KIDINS220: variants seen among roughly 807,000 people sequenced by gnomAD.
The protein encoded by KIDINS220 is kinase D interacting substrate 220.
Under a neutral mutation model 157.6 loss-of-function variants are expected in KIDINS220, and 63 were observed. That is an observed-to-expected ratio of 0.40 (90% confidence interval 0.33 to 0.49). The LOEUF is 0.49. Among genes scored for constraint, KIDINS220 ranks in the 20% least tolerant of loss-of-function variants. The probability of loss-of-function intolerance (pLI) is 0.66; values close to 1 mark genes in which losing one functional copy is unlikely to be tolerated. For missense variants in KIDINS220, 1,772 were observed against 2,171.2 expected (o/e 0.82, Z 3.65); for synonymous variants, 732 against 783.6 (o/e 0.93, Z 1.10).
At chr2:8,810,897 T>C (rs986541853) in intron 6 of KIDINS220, among the ~76,000 whole-genome samples, 2 of 152,210 alleles carry the variant, frequency 1.3e-5, no homozygotes, top group Non-Finnish European at 2.9e-5. Flanking sequence ...TTAAATGCCA[T>C]ATCATAATAT....
chr2:8,730,968 C>G lies in KIDINS220; in HGVS notation c.5068G>C (p.Ala1690Pro), dbSNP rs78365141. ...TTTTGATTGGCTCTGTTGGCTGGAG[C>G]ACTATTGTTGTTCAGAGTCACGGTG... ...PSTVTLNNNSAPANRANQNFD... is the reference protein window; with the variant it reads ...PSTVTLNNNSPPANRANQNFD... Residue 1690 changes from alanine to proline, a missense_variant, in exon 30 of 30, where the codon GCT becomes CCT. By Grantham distance (27) the Ala-to-Pro change is conservative. Coordinates refer to ENST00000256707, the MANE Select transcript of KIDINS220 (RefSeq NM_020738.4). 3 of 1,614,188 alleles carry G rather than the reference C, an allele frequency of 1.9e-6. No homozygotes were observed. Among genetic ancestry groups the G allele is most frequent in the Non-Finnish European group, 2.5e-6 (3 of 1,180,046 alleles).
intron 1 of KIDINS220, among the ~76,000 whole-genome samples, chr2:8,834,287 G>A (rs1275988452): frequency 2.0e-5 from 3 of 151,830 alleles, no homozygotes; most frequent in Non-Finnish European, 4.4e-5. Context: ...CCCTACCAGG[G>A]CCAAGGCCTT....
rs1193082140 is a variant in KIDINS220, at chr2:8,730,519, A to C, written c.*201T>G. On this transcript the variant is annotated 3_prime_UTR_variant, in exon 30 of 30. Coordinates refer to ENST00000256707, the MANE Select transcript of KIDINS220 (RefSeq NM_020738.4). ...GTGAGTTCTGAAGCTTCTAATTACA[A>C]AGACCACAGAGGCTGGCTGGTGAGC... is the stretch of plus-strand genomic sequence containing the variant. The C allele has an allele frequency of 1.4e-6, 2 of 1,420,476 alleles. No homozygotes were observed. The highest frequency in any genetic ancestry group is 1.8e-6 in the Non-Finnish European group (2 of 1,094,548). The allele number at this position is 1,420,476 out of a possible 1,614,324, so 88.0% of individuals were successfully genotyped here.
intron 26 of KIDINS220, 88 bp from the exon 27 acceptor site, chr2:8,737,087 T>TTATA: frequency 7.8e-7 from 1 of 1,289,618 alleles, no homozygotes; most frequent in Non-Finnish European, 1.1e-6. Flanking sequence ...ACTCATTAAG[T>TTATA]TATACCATGA....
intron 2 of KIDINS220, among the ~76,000 whole-genome samples, chr2:8,819,994 G>A (rs749008461): frequency 2.0e-5 from 3 of 152,168 alleles, no homozygotes; most frequent in Non-Finnish European, 2.9e-5. Flanking sequence ...TTAGTATGGA[G>A]GGAAAATCTA....
At chr2:8,804,094 A>T (rs1675105115) in intron 7 of KIDINS220, among the ~76,000 whole-genome samples, 1 of 152,350 alleles carries the variant, frequency 6.6e-6, no homozygotes, top group Non-Finnish European at 1.5e-5. Context: ...TGTCCAGAGG[A>T]GGCAGGTGGA....
chr2:8,728,060 C>T (rs368920185), downstream of KIDINS220, among the ~76,000 whole-genome samples: 11 of 152,258 alleles, frequency 7.2e-5, no homozygotes, highest in African/African-American at 2.2e-4. Context: ...ACACAAGACT[C>T]GGCTGGGCAT....
intron 6 of KIDINS220, among the ~76,000 whole-genome samples, chr2:8,809,754 T>C (rs1676021408): frequency 6.6e-6 from 1 of 151,898 alleles, no homozygotes; most frequent in Non-Finnish European, 1.5e-5. Context: ...TCAGTTCCCA[T>C]AGAAACCTCC....
At position 8,728,938 on chromosome 2, in the gene KIDINS220, A is replaced by T; in HGVS notation, c.*1782T>A. 1 of 978,908 alleles carries T rather than the reference A, an allele frequency of 1.0e-6. No homozygotes were observed. Among genetic ancestry groups the T allele is most frequent in the African/African-American group, 1.7e-5 (1 of 57,198 alleles). The allele number at this position is 978,908 out of a possible 1,614,324, so 60.6% of individuals were successfully genotyped here. ...AATTCATGAGTCAGAATAGCATGCA[A>T]TTTTTTATTGTTTTCTAAATCTATT... On this transcript the variant is annotated 3_prime_UTR_variant, in exon 30 of 30. Coordinates refer to ENST00000256707, the MANE Select transcript of KIDINS220 (RefSeq NM_020738.4).
chr2:8,751,521 T>C lies in KIDINS220; in HGVS notation c.3135A>G (p.Lys1045=). The change falls in exon 23 of 30, where the codon AAA becomes AAG. Residue 1045 remains lysine, a synonymous_variant. Coordinates refer to ENST00000256707, the MANE Select transcript of KIDINS220 (RefSeq NM_020738.4). ...GGTTTACAGTGCATGGCAAAAAGACTTTTACATCTCGAGCCACAAGAACTG... is the reference window on the plus strand; with the variant it reads ...GGTTTACAGTGCATGGCAAAAAGACCTTTACATCTCGAGCCACAAGAACTG... The part of the protein sequence containing the change: ...RTPVLVARDV[K]VFLPCTVNLD... 6.2e-7 allele frequency: 1 copy of C among 1,613,706 alleles called. No homozygotes were observed. Among genetic ancestry groups the C allele is most frequent in the Non-Finnish European group, 8.5e-7 (1 of 1,179,886 alleles).
At chr2:8,746,068 CTTAT>C (rs1482229293) in intron 26 of KIDINS220, among the ~76,000 whole-genome samples, 1 of 150,226 alleles carries the variant, frequency 6.7e-6, no homozygotes, top group Non-Finnish European at 1.5e-5. Context: ...TCCTCACAAA[CTTAT>C]TTCTTATTAA....
rs771178418 is a variant in KIDINS220, at chr2:8,793,883, G to A, written c.1203C>T (p.Asn401=). Residue 401 remains asparagine, a synonymous_variant, in exon 12 of 30, where the codon AAC becomes AAT. Transcript: ENST00000256707. ...PKDGRLLYRP[N]KAGETPYNID... ...TATTATAAGGAGTCTCGCCTGCTTT[G>A]TTGGGCCTATAAAGTAATCGCCCAT... 6.2e-7 allele frequency: 1 copy of A among 1,613,860 alleles called. No homozygotes were observed.
intron 22 of KIDINS220, 127 bp downstream of exon 22, chr2:8,770,543 G>T: frequency 2.0e-6 from 1 of 495,750 alleles, no homozygotes; most frequent in Non-Finnish European, 3.4e-6. Flanking sequence ...GAATTAATAA[G>T]AATGATTAAA....
intron 6 of KIDINS220, 83 bp downstream of exon 6, chr2:8,812,312 T>A (rs1321706754): frequency 1.7e-6 from 1 of 577,388 alleles, no homozygotes; most frequent in East Asian, 3.0e-5. Flanking sequence ...AGAAGCCTCA[T>A]GAAATCATAT....
chr2:8,757,418 A>G (rs1668147577), intron 22 of KIDINS220: 1 of 1,230,190 alleles, frequency 8.1e-7, no homozygotes, highest in Non-Finnish European at 1.0e-6. Context: ...ACAGTCTTAC[A>G]GCTTTAACCT....
intron 19 of KIDINS220, 83 bp from the exon 20 acceptor site, chr2:8,778,810 T>C (rs1671313680): frequency 1.3e-6 from 2 of 1,594,786 alleles, no homozygotes; most frequent in African/African-American, 1.3e-5. Context: ...ACAACAACAA[T>C]ATTTTTCAAG....
intron 2 of KIDINS220, among the ~76,000 whole-genome samples, chr2:8,824,642 T>C (rs1386641930): frequency 6.6e-6 from 1 of 152,210 alleles, no homozygotes; most frequent in Non-Finnish European, 1.5e-5. Context: ...ATTCTGCCAC[T>C]GCACTCCAGG....
chr2:8,794,224 C>T, intron 11 of KIDINS220: 1 of 305,082 alleles, frequency 3.3e-6, no homozygotes, highest in East Asian at 6.1e-5. Context: ...GAAGGTCATT[C>T]TTTTCCCCTT....
chr2:8,779,603 T>C, intron 18 of KIDINS220, 71 bp downstream of exon 18: 1 of 1,496,178 alleles, frequency 6.7e-7, no homozygotes, highest in Non-Finnish European at 9.1e-7. Flanking sequence ...TTTTTAGATA[T>C]TTGTGAAGTC....
Sources: gnomAD v4.1 joint callset for allele counts (sites outside exome capture counted in the v4.1 genomes callset) on GRCh38, gnomAD v4.1.1 for gene constraint, MANE v1.5 for transcripts, NCBI Gene and HGNC (gene_info 2026-07-23, HGNC 2026-07-21) for gene names.